The following FAF2 variants were observed in gnomAD, a reference collection of about 807,000 sequenced individuals.
FAF2 encodes FAS-associated factor 2.
Under a neutral mutation model 62.3 loss-of-function variants are expected in FAF2, and 9 were observed. The ratio of observed to expected loss-of-function variants is 0.14; its 90% CI spans 0.09 to 0.25. FAF2 has a LOEUF of 0.25. Ranked by LOEUF, FAF2 falls within the 10% of genes least tolerant of loss-of-function variation. The pLI is 1.00. For missense variants in FAF2, 368 were observed against 556.2 expected (o/e 0.66, Z 3.40); for synonymous variants, 202 against 198.0 (o/e 1.02, Z -0.17).
intron 4 of FAF2, among the ~76,000 whole-genome samples, chr5:176,490,532 GC>G (rs3834277): frequency 0.51 from 77,694 of 151,640 alleles, 19,882 homozygotes; most frequent in Non-Finnish European, 0.52. Flanking sequence ...CCTTTACCCT[GC>G]CTCTAGGGAG....
At chr5:176,476,804 ATTTT>A (rs749952460) in intron 1 of FAF2, among the ~76,000 whole-genome samples, 1 of 92,872 alleles carries the variant, frequency 1.1e-5, no homozygotes, top group Non-Finnish European at 2.1e-5. Context: ...TGCTGAACTA[ATTTT>A]TTTTTTTTTT....
At chr5:176,505,117 T>C (rs950775274) in intron 10 of FAF2, among the ~76,000 whole-genome samples, 1 of 151,992 alleles carries the variant, frequency 6.6e-6, no homozygotes, top group African/African-American at 2.4e-5. Context: ...GAATTCATCA[T>C]TTTGAGAGAT....
At chr5:176,458,284 G>C (rs1758311977) in intron 1 of FAF2, among the ~76,000 whole-genome samples, 1 of 151,652 alleles carries the variant, frequency 6.6e-6, no homozygotes. Context: ...GTTTCGCCAT[G>C]TTGGCCAGGC....
chr5:176,491,341 T>C (rs1160084930), intron 4 of FAF2, among the ~76,000 whole-genome samples: 1 of 152,196 alleles, frequency 6.6e-6, no homozygotes, highest in East Asian at 1.9e-4. Flanking sequence ...AGATGTGTGG[T>C]ACCATTAGGT....
In FAF2 at chr5:176,507,516, A is replaced by G. The variant is rs1755706492; in HGVS notation, c.*566A>G. The stretch of plus-strand genomic sequence containing the variant: ...CCAAAGGAATGAGGCTGACATAGGT[A>G]TATATATATATTTTTTTCCTTTATT... On this transcript the variant is annotated 3_prime_UTR_variant, in exon 11 of 11. Coordinates refer to ENST00000261942, the MANE Select transcript of FAF2 (RefSeq NM_014613.3). The G allele has an allele frequency of 1.1e-5, 2 of 174,326 alleles. No homozygotes were observed. Among genetic ancestry groups the G allele is most frequent in the South Asian group, 2.2e-4 (2 of 9,288 alleles). 10.8% of individuals were successfully genotyped at this position (174,326 alleles called of 1,614,324 possible).
intron 2 of FAF2, 28 bp from the exon 3 acceptor site, chr5:176,486,327 A>G: frequency 3.1e-6 from 5 of 1,608,726 alleles, no homozygotes; most frequent in African/African-American, 1.3e-5. Context: ...CATCGCTGAA[A>G]CTCTTGCCAC....
In FAF2 at chr5:176,448,411, G is replaced by A; in HGVS notation, c.4G>A (p.Ala2Thr). 1 of 1,606,152 alleles carries A rather than the reference G, an allele frequency of 6.2e-7. No homozygotes were observed. Among genetic ancestry groups the A allele is most frequent in the Non-Finnish European group, 8.5e-7 (1 of 1,176,668 alleles). Residue 2 changes from alanine (A) to threonine (T), a missense_variant, in exon 1 of 11, where the codon GCG becomes ACG. Transcript: ENST00000261942. Reference protein sequence around the residue: MAAPEERDLTQE... With the variant: MTAPEERDLTQE... ...GGAGCGTAGAGGCGGCGGCAAAATG[G>A]CGGCGCCTGAGGAGCGGGATCTAAC...
intron 5 of FAF2, 72 bp from the exon 6 acceptor site, chr5:176,493,927 T>G (rs1261273866): frequency 5.9e-6 from 6 of 1,011,142 alleles, no homozygotes; most frequent in Admixed American, 4.1e-5. Context: ...CTGTATCCAT[T>G]AGGACCCTTA....
intron 1 of FAF2, among the ~76,000 whole-genome samples, chr5:176,454,682 T>A (rs1758250333): frequency 6.6e-6 from 1 of 152,190 alleles, no homozygotes; most frequent in Non-Finnish European, 1.5e-5. Context: ...AATCTTATTT[T>A]ATTTCCCCAT....
chr5:176,484,029 G>C (rs536988818), intron 2 of FAF2, among the ~76,000 whole-genome samples: 12 of 151,868 alleles, frequency 7.9e-5, no homozygotes, highest in South Asian at 6.3e-4. Flanking sequence ...AGCCGAGATT[G>C]TACCACTGCA....
At chr5:176,505,640 A>G (rs1167400316) in intron 10 of FAF2, among the ~76,000 whole-genome samples, 1 of 152,102 alleles carries the variant, frequency 6.6e-6, no homozygotes, top group East Asian at 1.9e-4. Context: ...CAAGTCCCCA[A>G]AGTCCATTGT....
At chr5:176,448,590 C>T in intron 1 of FAF2, 120 bp downstream of exon 1, 2 of 1,021,326 alleles carry the variant, frequency 2.0e-6, no homozygotes, top group Non-Finnish European at 2.8e-6. Flanking sequence ...GGCCGGCCCC[C>T]TCCCCCCCAG....
At chr5:176,480,724 CTTA>C (rs1372071632) in intron 2 of FAF2, among the ~76,000 whole-genome samples, 1 of 142,488 alleles carries the variant, frequency 7.0e-6, no homozygotes, top group East Asian at 2.1e-4. Flanking sequence ...AGTCCCTACT[CTTA>C]TGGAACTTAA....
chr5:176,455,052 C>T (rs578145999), intron 1 of FAF2, among the ~76,000 whole-genome samples: 35 of 152,118 alleles, frequency 2.3e-4, no homozygotes, highest in African/African-American at 7.7e-4. Context: ...AAGCTTTAAA[C>T]AGGCTCTGTC....
At chr5:176,483,467 C>T (rs1758817183) in intron 2 of FAF2, among the ~76,000 whole-genome samples, 1 of 152,158 alleles carries the variant, frequency 6.6e-6, no homozygotes, top group African/African-American at 2.4e-5. Flanking sequence ...GGTTAATCCA[C>T]TTTCTTTTGC....
intron 1 of FAF2, among the ~76,000 whole-genome samples, chr5:176,450,836 C>T (rs1198112426): frequency 2.0e-5 from 3 of 152,040 alleles, no homozygotes; most frequent in South Asian, 2.1e-4. Context: ...CCGCCGCGCC[C>T]GGCCAAAACT....
chr5:176,448,412 C>T lies in FAF2; in HGVS notation c.5C>T (p.Ala2Val). 6.2e-7 allele frequency: 1 copy of T among 1,605,626 alleles called. No homozygotes were observed. Among genetic ancestry groups the T allele is most frequent in the South Asian group, 1.1e-5 (1 of 89,840 alleles). ...GAGCGTAGAGGCGGCGGCAAAATGG[C>T]GGCGCCTGAGGAGCGGGATCTAACC... M[A>V]APEERDLTQE... The change falls in exon 1 of 11, where the codon GCG becomes GTG. Residue 2 changes from alanine to valine, a missense_variant. Coordinates refer to ENST00000261942, the MANE Select transcript of FAF2 (RefSeq NM_014613.3).
At chr5:176,478,486 AAGTGGCGGGGGGT>A in intron 1 of FAF2, among the ~76,000 whole-genome samples, 1 of 152,306 alleles carries the variant, frequency 6.6e-6, no homozygotes, top group African/African-American at 2.4e-5. Flanking sequence ...CTCGAAAAAA[AAGTGGCGGGGGGT>A]AGGGGGGTCG....
At chr5:176,472,433 C>T (rs966784105) in intron 1 of FAF2, among the ~76,000 whole-genome samples, 8 of 152,074 alleles carry the variant, frequency 5.3e-5, no homozygotes, top group Admixed American at 2.0e-4. Context: ...GCGTGATCCA[C>T]CACGCCCAGC....
Sources: gnomAD v4.1 joint callset for allele counts (sites outside exome capture counted in the v4.1 genomes callset) on GRCh38, gnomAD v4.1.1 for gene constraint, MANE v1.5 for transcripts, NCBI Gene and HGNC (gene_info 2026-07-23, HGNC 2026-07-21) for gene names.